The following FH variants were observed in gnomAD, a reference collection of about 807,000 sequenced individuals.
FH encodes fumarate hydratase.
FH carries 22 observed loss-of-function variants against 49.4 expected under a neutral mutation model. The observed-to-expected ratio is 0.45, with a 90% CI of 0.32 to 0.64. FH has a LOEUF of 0.64. FH is among the 30% of genes least tolerant of loss of function. FH has a pLI of 0.05. For synonymous variants in FH, 208 were observed against 223.0 expected, an observed-to-expected ratio of 0.93 and a Z score of 0.60; for missense variants, 526 against 641.5, an observed-to-expected ratio of 0.82 and a Z score of 1.95.
intron 5 of FH, among the ~76,000 whole-genome samples, chr1:241,506,768 T>G (rs1010500045): frequency 3.3e-5 from 5 of 152,200 alleles, no homozygotes; most frequent in African/African-American, 1.2e-4. Context: ...AGTCAGATCA[T>G]AGCATCAATG....
intron 6 of FH, among the ~76,000 whole-genome samples, chr1:241,504,771 T>C (rs964710910): frequency 6.6e-6 from 1 of 151,932 alleles, no homozygotes; most frequent in Non-Finnish European, 1.5e-5. Flanking sequence ...AAAGATGAAA[T>C]AACAAGTATG....
At chr1:241,507,283 T>C (rs1659955500) in intron 5 of FH, among the ~76,000 whole-genome samples, 1 of 152,190 alleles carries the variant, frequency 6.6e-6, no homozygotes, top group African/African-American at 2.4e-5. Context: ...GAAAAGGCTA[T>C]GCCATATAGC....
intron 5 of FH, 51 bp from the exon 6 acceptor site, chr1:241,506,219 C>G: frequency 7.3e-7 from 1 of 1,363,516 alleles, no homozygotes; most frequent in African/African-American, 1.4e-5. Context: ...TAATAGCTTA[C>G]AAGTTACTCT....
intron 1 of FH, among the ~76,000 whole-genome samples, chr1:241,518,574 C>A (rs1207492313): frequency 3.3e-5 from 5 of 152,128 alleles, no homozygotes; most frequent in Non-Finnish European, 1.5e-5. Flanking sequence ...CTAGATGGGG[C>A]ACTTATTTAA....
chr1:241,508,773 T>C lies in FH; in HGVS notation c.568A>G (p.Thr190Ala), dbSNP rs1285653127. 1.2e-6 allele frequency: 2 copies of C among 1,613,516 alleles called. No homozygotes were observed. Among genetic ancestry groups the C allele is most frequent in the Non-Finnish European group, 1.7e-6 (2 of 1,179,682 alleles). The change falls in exon 5 of 10, where the codon ACT becomes GCT. Residue 190 changes from threonine (T) to alanine (A), a missense_variant. Thr to Ala is a moderately conservative substitution (Grantham distance 58). This residue lies in a region of FH where 383 missense variants were observed against 514.0 expected (regional missense o/e 0.75). Coordinates refer to ENST00000366560, the MANE Select transcript of FH (RefSeq NM_000143.4). ...HVNKSQSSND[T>A]FPTAMHIAAA... ...GCAATGTGCATTGCTGTGGGAAAAG[T>C]ATCATTTGAGCTCTGTTGGAAATTT...
At chr1:241,515,506 A>C (rs919788175) in intron 2 of FH, among the ~76,000 whole-genome samples, 2 of 152,138 alleles carry the variant, frequency 1.3e-5, no homozygotes, top group African/African-American at 4.8e-5. Flanking sequence ...CCTCACCACC[A>C]AGAAGGCTGT....
rs2147919358 is a variant in FH at position 241,508,586 on chromosome 1, T to C, written c.738+17A>G. ...TACCAAGCTCTAAATTGAATCAAAT[T>C]AGTCAAACTCCTATACCTGCCCAAG... is the stretch of plus-strand genomic sequence containing the variant. On this transcript the variant is annotated intron_variant, in intron 5 of 9. Coordinates refer to ENST00000366560, the MANE Select transcript of FH (RefSeq NM_000143.4). 1 of 1,606,308 alleles carries C rather than the reference T, an allele frequency of 6.2e-7. No homozygotes were observed. The highest frequency in any genetic ancestry group is 2.2e-5 in the East Asian group (1 of 44,826).
At chr1:241,502,663 T>C (rs1553340903) in intron 7 of FH, 93 bp from the exon 8 acceptor site, 1 of 1,450,312 alleles carries the variant, frequency 6.9e-7, no homozygotes, top group South Asian at 1.2e-5. Flanking sequence ...TAGAGTAAGA[T>C]ATACAATAAA....
Position 241,508,712 on chromosome 1 carries a change from C to T in FH, c.629G>A (p.Gly210Glu). 1 of 1,612,722 alleles carries T rather than the reference C, an allele frequency of 6.2e-7. No individual in the cohort carries two copies. The highest frequency in any genetic ancestry group is 8.5e-7 in the Non-Finnish European group (1 of 1,178,778). ...AAGAGCATCATGTAACTTCTGTAGT[C>T]CTGGTAACAGTACTTCATGAACTTC... ...AIEVHEVLLP[G>E]LQKLHDALDA... Residue 210 changes from glycine (G) to glutamate (E), a missense_variant, in exon 5 of 10, where the codon GGA (glycine) becomes GAA (glutamate). Gly to Glu is a moderately conservative substitution (Grantham distance 98, BLOSUM62 -2). This residue lies in a region of FH where 383 missense variants were observed against 514.0 expected (regional missense o/e 0.75). Coordinates refer to ENST00000366560, the MANE Select transcript of FH (RefSeq NM_000143.4).
intron 6 of FH, among the ~76,000 whole-genome samples, 186 bp from the exon 7 acceptor site, chr1:241,504,431 T>G (rs1370937548): frequency 6.6e-6 from 1 of 152,116 alleles, no homozygotes; most frequent in East Asian, 1.9e-4. Flanking sequence ...GTAGAAAGAA[T>G]CTGGTATTAC....
intron 2 of FH, 73 bp from the exon 3 acceptor site, chr1:241,513,786 G>A (rs1479284056): frequency 3.4e-6 from 4 of 1,178,702 alleles, no homozygotes; most frequent in Non-Finnish European, 5.1e-6. Context: ...TTTGGCAGAT[G>A]CAAAAGCTAT....
chr1:241,502,467 C>T lies in FH; in HGVS notation c.1212G>A (p.Glu404=), dbSNP rs752558644. 6.2e-7 allele frequency: 1 copy of T among 1,614,050 alleles called. No homozygotes were observed. Among genetic ancestry groups the T allele is most frequent in the South Asian group, 1.1e-5 (1 of 91,086 alleles). ...CCATCATTGGCTTGAAAACATTCAA[C>T]TCAAAATGTCCATTGCTGCCTCCGA... ...VTVGGSNGHF[E]LNVFKPMMIK... Residue 404 remains glutamate, a synonymous_variant, in exon 8 of 10, where the codon GAG becomes GAA. Coordinates refer to ENST00000366560, the MANE Select transcript of FH (RefSeq NM_000143.4).
At chr1:241,512,886 C>G (rs1307188536) in intron 3 of FH, among the ~76,000 whole-genome samples, 1 of 151,318 alleles carries the variant, frequency 6.6e-6, no homozygotes, top group Non-Finnish European at 1.5e-5. Context: ...GTTGGCATCC[C>G]CAGTCTCTAT....
chr1:241,515,310 C>A (rs1002269600), intron 2 of FH, among the ~76,000 whole-genome samples: 5 of 152,254 alleles, frequency 3.3e-5, no homozygotes, highest in Admixed American at 6.5e-5. Flanking sequence ...GCAGCAGGAA[C>A]CATGCCCCAC....
At chr1:241,515,575 T>C (rs1660192587) in intron 2 of FH, among the ~76,000 whole-genome samples, 1 of 152,228 alleles carries the variant, frequency 6.6e-6, no homozygotes, top group Admixed American at 6.5e-5. Flanking sequence ...TAAAGTTCTA[T>C]ATACCTGTCA....
At chr1:241,513,537 C>G in intron 3 of FH, 66 bp downstream of exon 3, 4 of 1,148,370 alleles carry the variant, frequency 3.5e-6, no homozygotes, top group Non-Finnish European at 5.3e-6. Flanking sequence ...TCTGCCAGAG[C>G]ATATCGTCAT....
chr1:241,506,154 A>G lies in FH; in HGVS notation c.753T>C (p.Tyr251=). 6.2e-7 allele frequency: 1 copy of G among 1,613,286 alleles called. No homozygotes were observed. The highest frequency in any genetic ancestry group is 1.7e-5 in the Admixed American group (1 of 59,972). The change falls in exon 6 of 10, where the codon TAT becomes TAC. Residue 251 remains tyrosine, a synonymous_variant. Coordinates refer to ENST00000366560, the MANE Select transcript of FH (RefSeq NM_000143.4). ...TCATTGCATATTTTACTTGTTGAACATAACCACTAAATTCCTGAAAAGAAA... is the reference window on the plus strand; with the variant it reads ...TCATTGCATATTTTACTTGTTGAACGTAACCACTAAATTCCTGAAAAGAAA... ...PLTLGQEFSG[Y]VQQVKYAMTR...
chr1:241,517,173 G>A lies in FH; in HGVS notation c.267+9C>T. Reference sequence around the variant, plus strand: ...CAAAATAGCCAACATTTCCACAAATGCCACTTACTGGCATGCGTTCTGTCA... The same window carrying A: ...CAAAATAGCCAACATTTCCACAAATACCACTTACTGGCATGCGTTCTGTCA... On this transcript the variant is annotated intron_variant, in intron 2 of 9. Coordinates refer to ENST00000366560, the MANE Select transcript of FH (RefSeq NM_000143.4). The A allele has an allele frequency of 6.2e-7, 1 of 1,614,060 alleles. No homozygotes were observed.
intron 9 of FH, among the ~76,000 whole-genome samples, chr1:241,499,345 T>C (rs1469024125): frequency 6.6e-6 from 1 of 152,234 alleles, no homozygotes; most frequent in Non-Finnish European, 1.5e-5. Flanking sequence ...GAGACACCTC[T>C]AATTTAAAGT....
Sources: gnomAD v4.1 joint callset for allele counts (sites outside exome capture counted in the v4.1 genomes callset) on GRCh38, gnomAD v4.1.1 for gene constraint, gnomAD v4.1.1 regional missense constraint, MANE v1.5 for transcripts, NCBI Gene and HGNC (gene_info 2026-07-23, HGNC 2026-07-21) for gene names.